CTNNA2: variants seen among roughly 807,000 people sequenced by gnomAD.
CTNNA2 encodes the protein catenin alpha-2.
In CTNNA2, 42 loss-of-function variants were observed where a neutral mutation model predicts 101.0. That is an observed-to-expected ratio of 0.42 (90% CI 0.32 to 0.54). The LOEUF (loss-of-function observed/expected upper bound fraction) is 0.54. Among genes scored for constraint, CTNNA2 ranks in the 20% least tolerant of loss-of-function variants. CTNNA2 has a pLI of 0.14. For missense variants in CTNNA2, 871 were observed against 1,223.1 expected (o/e 0.71, Z 4.29); for synonymous variants, 450 against 456.4 (o/e 0.99, Z 0.18).
intron 7 of CTNNA2, among the ~76,000 whole-genome samples, chr2:80,351,306 G>A (rs761998494): frequency 2.0e-5 from 3 of 152,002 alleles, no homozygotes; most frequent in Non-Finnish European, 4.4e-5. Flanking sequence ...CTGGTCAATA[G>A]AGCCTAAATG....
chr2:80,166,439 G>C (rs1704700648), intron 7 of CTNNA2, among the ~76,000 whole-genome samples: 1 of 152,120 alleles, frequency 6.6e-6, no homozygotes, highest in Non-Finnish European at 1.5e-5. Flanking sequence ...TCAGAGAGCT[G>C]CTGGGTTGCT....
chr2:79,780,296 G>C (rs1040833891), intron 3 of CTNNA2, among the ~76,000 whole-genome samples: 1 of 152,160 alleles, frequency 6.6e-6, no homozygotes, highest in Non-Finnish European at 1.5e-5. Context: ...CCTGAGGGCT[G>C]TGTCATGAAC....
rs529590079 is a variant in CTNNA2 at position 79,217,343 on chromosome 2, G to A, written c.-406+19267G>A. Among the ~76,000 whole-genome samples the A allele has an allele frequency of 5.3e-5, 8 of 152,330 alleles. 1 individual carries two copies. In the South Asian group the frequency reaches 1.7e-3, roughly 32 times the overall value. On this transcript the variant is annotated intron_variant, in intron 2 of 21. Transcript: ENST00000466387. ...TCCGTGTGAAGAGACCACCAAACAG[G>A]CTTTGTGTGAGCAATAAAGCTGTTT...
At chr2:79,669,490 AG>A (rs1360238084) in intron 2 of CTNNA2, among the ~76,000 whole-genome samples, 2 of 152,144 alleles carry the variant, frequency 1.3e-5, no homozygotes, top group East Asian at 1.9e-4. Context: ...AGACAATTGA[AG>A]GGTGAAGAAG....
rs559980535 is a variant in CTNNA2 at position 79,604,361 on chromosome 2, A to G, written c.-5-47191A>G. On this transcript the variant is annotated intron_variant, in intron 1 of 18. Transcript: ENST00000402739. ...CAGTAGCCACTAGGCTTCAATGTAC[A>G]GTGATCTTTGAGAGATGAGCCATAA... 2.0e-5 allele frequency among the ~76,000 whole-genome samples: 3 copies of G among 152,350 alleles called. No homozygotes were observed. In the East Asian group the frequency reaches 5.8e-4, roughly 29 times the overall value.
chr2:80,637,794 G>A (rs1673036826), intron 18 of CTNNA2, among the ~76,000 whole-genome samples: 1 of 152,096 alleles, frequency 6.6e-6, no homozygotes, highest in South Asian at 2.1e-4. Flanking sequence ...TTCAGATTTT[G>A]CTAATTTTCC....
At chr2:80,002,438 A>C (rs1007927144) in intron 7 of CTNNA2, among the ~76,000 whole-genome samples, 5 of 152,342 alleles carry the variant, frequency 3.3e-5, no homozygotes, top group African/African-American at 1.2e-4. Flanking sequence ...TGGATGCTCT[A>C]AATCGTTGTC....
chr2:80,581,591 GT>G, intron 13 of CTNNA2, 114 bp from the exon 14 acceptor site: 1 of 684,622 alleles, frequency 1.5e-6, no homozygotes, highest in African/African-American at 1.7e-5. Flanking sequence ...TGGGTGCTAT[GT>G]AGGATGCTAT....
intron 4 of CTNNA2, among the ~76,000 whole-genome samples, chr2:79,403,923 G>T (rs953421581): frequency 6.6e-6 from 1 of 151,924 alleles, no homozygotes; most frequent in Non-Finnish European, 1.5e-5. Context: ...ATATATCAGA[G>T]AAATTCTCAT....
chr2:79,588,991 G>A (rs1179243312), intron 1 of CTNNA2, among the ~76,000 whole-genome samples: 1 of 152,196 alleles, frequency 6.6e-6, no homozygotes, highest in Non-Finnish European at 1.5e-5. Context: ...ACCAGGCAAA[G>A]TGCCTAGCAC....
chr2:79,991,938 T>C (rs1311879297), intron 7 of CTNNA2, among the ~76,000 whole-genome samples: 14 of 152,212 alleles, frequency 9.2e-5, no homozygotes, highest in Admixed American at 9.2e-4. Context: ...CTGATTTATT[T>C]AGATGTTTTG....
At chr2:80,312,116 C>T (rs368748086) in intron 7 of CTNNA2, among the ~76,000 whole-genome samples, 1 of 152,166 alleles carries the variant, frequency 6.6e-6, no homozygotes. Context: ...AAATAGCATT[C>T]GAACATAAAT....
At chr2:80,381,988 T>A (rs1446119571) in intron 7 of CTNNA2, among the ~76,000 whole-genome samples, 1 of 152,196 alleles carries the variant, frequency 6.6e-6, no homozygotes, top group Non-Finnish European at 1.5e-5. Context: ...CTTTGGCTCC[T>A]AGAAATTTCC....
intron 7 of CTNNA2, among the ~76,000 whole-genome samples, chr2:79,952,451 G>A (rs966450519): frequency 6.6e-6 from 1 of 152,170 alleles, no homozygotes; most frequent in African/African-American, 2.4e-5. Context: ...GCTTGTAGAA[G>A]TCTGTGACTA....
At chr2:80,368,185 T>A (rs1421930304) in intron 7 of CTNNA2, among the ~76,000 whole-genome samples, 2 of 152,170 alleles carry the variant, frequency 1.3e-5, no homozygotes, top group African/African-American at 4.8e-5. Context: ...TCCCCTCTCC[T>A]GTCTATGTAA....
At chr2:80,464,199 T>C (rs1684672574) in intron 9 of CTNNA2, among the ~76,000 whole-genome samples, 1 of 152,180 alleles carries the variant, frequency 6.6e-6, no homozygotes, top group Non-Finnish European at 1.5e-5. Context: ...GAATGTTCTA[T>C]CTGTCCTGCA....
intron 2 of CTNNA2, among the ~76,000 whole-genome samples, chr2:79,288,121 G>C (rs149825304): frequency 6.6e-6 from 1 of 152,146 alleles, no homozygotes; most frequent in South Asian, 2.1e-4. Flanking sequence ...CATGGTGCGC[G>C]CACCCACTGA....
chr2:79,957,906 T>C (rs902461038), intron 7 of CTNNA2, among the ~76,000 whole-genome samples: 2 of 152,246 alleles, frequency 1.3e-5, no homozygotes, highest in African/African-American at 4.8e-5. Flanking sequence ...TGATGTCTCC[T>C]TTCATATTAG....
At chr2:79,995,926 T>G (rs571686299) in intron 7 of CTNNA2, among the ~76,000 whole-genome samples, 5 of 152,328 alleles carry the variant, frequency 3.3e-5, no homozygotes. Flanking sequence ...GAGACTCAAT[T>G]TTTTCAAGAA....
Sources: gnomAD v4.1 joint callset for allele counts (sites outside exome capture counted in the v4.1 genomes callset) on GRCh38, gnomAD v4.1.1 for gene constraint, MANE v1.5 for transcripts, NCBI Gene and HGNC (gene_info 2026-07-23, HGNC 2026-07-21) for gene names.